The following CEP57L1 variants were observed in gnomAD, a reference collection of about 807,000 sequenced individuals.
The protein encoded by CEP57L1 is centrosomal protein CEP57L1.
Under a neutral mutation model 61.0 loss-of-function variants are expected in CEP57L1, and 37 were observed. The ratio of observed to expected loss-of-function variants is 0.61; its 90% CI spans 0.47 to 0.80. The LOEUF (loss-of-function observed/expected upper bound fraction) is 0.80, where lower values mean the gene tolerates loss of function less well. CEP57L1 is among the 30% of genes least tolerant of loss of function. The pLI is 0.00. For missense variants in CEP57L1, 422 were observed against 524.7 expected (o/e 0.80, Z 1.91); for synonymous variants, 137 against 162.3 (o/e 0.84, Z 1.19).
chr6:109,168,576 G>A lies in CEP57L1; in HGVS notation c.*5606G>A, dbSNP rs565881199. On this transcript the variant is annotated 3_prime_UTR_variant, in exon 11 of 11. Coordinates refer to ENST00000517392, the MANE Select transcript of CEP57L1 (RefSeq NM_001271852.3). ...CGGTGGATTGTCAAATCAATTTAGC[G>A]GGTCACTACCAGCATTTTTTTTTTT... Among the ~76,000 whole-genome samples the A allele has an allele frequency of 6.6e-5, 10 of 151,096 alleles. No individual in the cohort carries two copies. The highest frequency in any genetic ancestry group is 2.1e-4 in the South Asian group (1 of 4,780).
chr6:109,174,095 G>A lies in CEP57L1; in HGVS notation c.*11125G>A, dbSNP rs1774531002. Among the ~76,000 whole-genome samples, 1 of 116,984 alleles carries A rather than the reference G, an allele frequency of 8.5e-6. No homozygotes were observed. The highest frequency in any genetic ancestry group is 3.5e-5 in the African/African-American group (1 of 28,256). 76.7% of individuals were successfully genotyped at this position (116,984 alleles called of 152,430 possible). The stretch of plus-strand genomic sequence containing the variant: ...AGCCTGAGCCATAGAGTGAGTCTTG[G>A]TCTCAAAAAAAAAAAAAAACCTTGT... On this transcript the variant is annotated 3_prime_UTR_variant, in exon 11 of 11. Transcript: ENST00000517392.
intron 1 of CEP57L1, among the ~76,000 whole-genome samples, chr6:109,122,940 C>T (rs1249380938): frequency 1.3e-5 from 2 of 152,110 alleles, no homozygotes; most frequent in Non-Finnish European, 2.9e-5. Flanking sequence ...TTGCTCATTC[C>T]TTCAGTGATC....
chr6:109,151,173 A>G (rs948145639), intron 4 of CEP57L1, among the ~76,000 whole-genome samples: 1 of 152,200 alleles, frequency 6.6e-6, no homozygotes, highest in Non-Finnish European at 1.5e-5. Context: ...TTCTTGGCAG[A>G]AGGGTAAAAG....
At chr6:109,121,455 G>A (rs1211258042) in intron 1 of CEP57L1, among the ~76,000 whole-genome samples, 1 of 152,092 alleles carries the variant, frequency 6.6e-6, no homozygotes, top group Non-Finnish European at 1.5e-5. Flanking sequence ...CTGTGGCATT[G>A]TTAAGAAGGG....
At position 109,145,277 on chromosome 6, in the gene CEP57L1, GAGTATTTGTTCCCTCATTCACCC is replaced by G. The variant is rs1562117589; in HGVS notation, c.59_81del (p.Val20GlufsTer2). On this transcript the variant is annotated frameshift_variant, in exon 2 of 11. Coordinates refer to ENST00000517392, the MANE Select transcript of CEP57L1 (RefSeq NM_001271852.3). LOFTEE classifies it high-confidence loss of function. ...GGAAGCTATCATAAACCTCCAGAAA[GAGTATTTGTTCCCTCATTCACCC>G]AGAATGAACCATCTCAGAATTGCCA... 6.2e-7 allele frequency: 1 copy of G among 1,606,478 alleles called. No homozygotes were observed. The highest frequency in any genetic ancestry group is 8.5e-7 in the Non-Finnish European group (1 of 1,174,224).
chr6:109,112,599 A>C (rs556034703), intron 1 of CEP57L1, among the ~76,000 whole-genome samples: 68 of 151,648 alleles, frequency 4.5e-4, no homozygotes, highest in African/African-American at 1.5e-3. Context: ...TTTCATTGTG[A>C]TGTTAGGTGT....
chr6:109,154,333 C>G (rs1772994975), intron 5 of CEP57L1, among the ~76,000 whole-genome samples: 1 of 152,082 alleles, frequency 6.6e-6, no homozygotes, highest in Admixed American at 6.5e-5. Flanking sequence ...TCGTACTTCC[C>G]CTAGGAAGTC....
intron 1 of CEP57L1, among the ~76,000 whole-genome samples, chr6:109,121,985 T>G (rs920178823): frequency 6.6e-6 from 1 of 152,214 alleles, no homozygotes; most frequent in African/African-American, 2.4e-5. Context: ...CTACTGTATT[T>G]CAGTGGCTTT....
chr6:109,136,710 A>T (rs143303753), intron 1 of CEP57L1, among the ~76,000 whole-genome samples: 1 of 109,668 alleles, frequency 9.1e-6, no homozygotes, highest in East Asian at 2.3e-4. Context: ...TTTTTATTTT[A>T]TTTTATTTTA....
At chr6:109,118,696 T>C (rs1270840555) in intron 1 of CEP57L1, among the ~76,000 whole-genome samples, 1 of 152,244 alleles carries the variant, frequency 6.6e-6, no homozygotes, top group Non-Finnish European at 1.5e-5. Flanking sequence ...CCCGTGTTTG[T>C]GTTGCTTCGT....
chr6:109,129,743 A>G (rs1773969827), intron 1 of CEP57L1, among the ~76,000 whole-genome samples: 1 of 151,498 alleles, frequency 6.6e-6, no homozygotes, highest in Admixed American at 6.6e-5. Context: ...TCTGTTTTCC[A>G]TTTTCCAAAG....
chr6:109,122,857 C>T (rs1048162701), intron 1 of CEP57L1, among the ~76,000 whole-genome samples: 3 of 152,114 alleles, frequency 2.0e-5, no homozygotes, highest in Non-Finnish European at 4.4e-5. Context: ...CTACTACCAT[C>T]CTTCTTCAGA....
At chr6:109,119,181 C>G (rs1468646381) in intron 1 of CEP57L1, among the ~76,000 whole-genome samples, 1 of 152,138 alleles carries the variant, frequency 6.6e-6, no homozygotes, top group Admixed American at 6.5e-5. Flanking sequence ...ATGGAGAGCC[C>G]TATATGCCCT....
At chr6:109,135,580 A>G (rs1031031168) in intron 1 of CEP57L1, among the ~76,000 whole-genome samples, 88 of 152,232 alleles carry the variant, frequency 5.8e-4, no homozygotes, top group Non-Finnish European at 1.0e-3. Context: ...TAATTAAACT[A>G]AAGAGCTTCT....
intron 1 of CEP57L1, among the ~76,000 whole-genome samples, chr6:109,111,175 A>G (rs1031358148): frequency 2.6e-5 from 4 of 152,062 alleles, no homozygotes; most frequent in Non-Finnish European, 5.9e-5. Flanking sequence ...ATGTTTTTCC[A>G]TTTGTTTGTG....
intron 3 of CEP57L1, among the ~76,000 whole-genome samples, chr6:109,149,894 G>A (rs1772405237): frequency 6.6e-6 from 1 of 152,152 alleles, no homozygotes; most frequent in African/African-American, 2.4e-5. Context: ...GTGAATGGGA[G>A]TTCACTCATG....
intron 1 of CEP57L1, among the ~76,000 whole-genome samples, chr6:109,134,321 A>T (rs183701649): frequency 6.6e-6 from 1 of 152,338 alleles, no homozygotes; most frequent in African/African-American, 2.4e-5. Context: ...CCACGTGGTT[A>T]TCTCAATAGC....
In CEP57L1 at chr6:109,170,930, A is replaced by G. The variant is rs937194863; in HGVS notation, c.*7960A>G. The stretch of plus-strand genomic sequence containing the variant: ...GAGTTAAAAACAAGTTACTTTAAAG[A>G]TATCTGCTTTTACTTTAATCTAAAA... On this transcript the variant is annotated 3_prime_UTR_variant, in exon 11 of 11. Coordinates refer to ENST00000517392, the MANE Select transcript of CEP57L1 (RefSeq NM_001271852.3). Among the ~76,000 whole-genome samples the G allele has an allele frequency of 6.6e-6, 1 of 152,202 alleles. No individual in the cohort carries two copies. The highest frequency in any genetic ancestry group is 2.4e-5 in the African/African-American group (1 of 41,456).
At chr6:109,161,439 A>G (rs771081495) in intron 10 of CEP57L1, among the ~76,000 whole-genome samples, 27 of 152,158 alleles carry the variant, frequency 1.8e-4, no homozygotes, top group Non-Finnish European at 2.4e-4. Flanking sequence ...TCATGTAGCC[A>G]TCTGGCTATG....
Sources: gnomAD v4.1 joint callset for allele counts (sites outside exome capture counted in the v4.1 genomes callset) on GRCh38, gnomAD v4.1.1 for gene constraint, MANE v1.5 for transcripts, NCBI Gene and HGNC (gene_info 2026-07-23, HGNC 2026-07-21) for gene names.